The following PXDNL variants were observed in gnomAD, a reference collection of about 807,000 sequenced individuals.
The protein encoded by PXDNL is peroxidasin like.
Under a neutral mutation model 150.8 loss-of-function variants are expected in PXDNL, and 145 were observed. That is an observed-to-expected ratio of 0.96 (90% confidence interval 0.84 to 1.10). The LOEUF is 1.10. PXDNL is among the 50% of genes least tolerant of loss of function. The probability of loss-of-function intolerance (pLI) is 0.00; values close to 1 mark genes in which losing one functional copy is unlikely to be tolerated. For synonymous variants in PXDNL, 757 were observed against 725.7 expected (o/e 1.04, Z -0.69); for missense variants, 2,087 against 1,873.9 (o/e 1.11, Z -2.10).
intron 1 of PXDNL, among the ~76,000 whole-genome samples, chr8:51,744,241 AAG>A (rs1273780728): frequency 3.4e-5 from 5 of 148,540 alleles, no homozygotes; most frequent in Admixed American, 2.7e-4. Flanking sequence ...AAAGAAAGAA[AAG>A]AGAGGAAAAG....
At chr8:51,628,609 TAGGCAGG>T (rs1390149288) in intron 2 of PXDNL, among the ~76,000 whole-genome samples, 1 of 151,802 alleles carries the variant, frequency 6.6e-6, no homozygotes, top group African/African-American at 2.4e-5. Flanking sequence ...TTTCACCATG[TAGGCAGG>T]AGGATCTCGA....
intron 2 of PXDNL, among the ~76,000 whole-genome samples, chr8:51,651,232 G>A (rs2130796261): frequency 6.6e-6 from 1 of 152,288 alleles, no homozygotes; most frequent in South Asian, 2.1e-4. Flanking sequence ...ATAAAGCGTA[G>A]TATATAATTT....
intron 1 of PXDNL, among the ~76,000 whole-genome samples, chr8:51,666,769 A>G (rs1387094921): frequency 6.6e-6 from 1 of 152,150 alleles, no homozygotes; most frequent in Admixed American, 6.5e-5. Flanking sequence ...CACTGTCCTG[A>G]TGGGCCATTC....
Position 51,623,010 on chromosome 8 carries a change from G to A in PXDNL, c.237-30312C>T, listed in dbSNP as rs187751398. 9.7e-4 allele frequency among the ~76,000 whole-genome samples: 147 copies of A among 152,328 alleles called. 1 individual carries two copies. The highest frequency in any genetic ancestry group is 5.3e-4 in the Non-Finnish European group (36 of 68,028). On this transcript the variant is annotated intron_variant, in intron 2 of 22. Coordinates refer to ENST00000356297, the MANE Select transcript of PXDNL (RefSeq NM_144651.5). ...CTTTATAGGTAGCTGTTCAAAACCTGCTCTGCTCAGTATAAAGCTTCTATT... is the reference window on the plus strand; with the variant it reads ...CTTTATAGGTAGCTGTTCAAAACCTACTCTGCTCAGTATAAAGCTTCTATT...
intron 8 of PXDNL, among the ~76,000 whole-genome samples, chr8:51,470,777 G>A (rs1020503066): frequency 6.6e-6 from 1 of 152,050 alleles, no homozygotes; most frequent in Non-Finnish European, 1.5e-5. Context: ...AAACTGGCTA[G>A]CCATATTCAG....
intron 4 of PXDNL, among the ~76,000 whole-genome samples, chr8:51,510,355 C>A (rs1811386390): frequency 6.6e-6 from 1 of 152,230 alleles, no homozygotes; most frequent in Non-Finnish European, 1.5e-5. Context: ...ACATGAGTTT[C>A]TGGAAAAATT....
chr8:51,494,178 C>A (rs1438254578), intron 5 of PXDNL, among the ~76,000 whole-genome samples: 1 of 152,038 alleles, frequency 6.6e-6, no homozygotes, highest in East Asian at 1.9e-4. Flanking sequence ...TCCAGCCAAA[C>A]TAAGCTTCAT....
intron 1 of PXDNL, among the ~76,000 whole-genome samples, chr8:51,751,677 C>A (rs564240251): frequency 5.6e-4 from 85 of 152,312 alleles, no homozygotes; most frequent in African/African-American, 2.0e-3. Flanking sequence ...CCACAGTGAA[C>A]AAACTATAAG....
intron 4 of PXDNL, among the ~76,000 whole-genome samples, chr8:51,544,908 T>TAA (rs11392201): frequency 6.6e-6 from 1 of 151,994 alleles, no homozygotes; most frequent in East Asian, 1.9e-4. Flanking sequence ...AAAGGCAGTA[T>TAA]AAAAACAAAC....
chr8:51,670,112 C>T (rs1815470115), intron 1 of PXDNL, among the ~76,000 whole-genome samples: 1 of 152,104 alleles, frequency 6.6e-6, no homozygotes, highest in Non-Finnish European at 1.5e-5. Context: ...GTGGTGCATG[C>T]CTGTAATCCC....
chr8:51,486,336 T>TTG (rs1810735104), intron 5 of PXDNL, among the ~76,000 whole-genome samples: 2 of 152,276 alleles, frequency 1.3e-5, no homozygotes, highest in African/African-American at 2.4e-5. Flanking sequence ...TCCAAATTAA[T>TTG]GATATTTTAC....
intron 3 of PXDNL, among the ~76,000 whole-genome samples, chr8:51,582,026 T>A (rs2130628774): frequency 6.6e-6 from 1 of 152,302 alleles, no homozygotes; most frequent in East Asian, 1.9e-4. Flanking sequence ...TATAATTTTT[T>A]AAATGTATGT....
chr8:51,738,559 A>ACG (rs1015021388), intron 1 of PXDNL, among the ~76,000 whole-genome samples: 1 of 152,068 alleles, frequency 6.6e-6, no homozygotes, highest in Non-Finnish European at 1.5e-5. Flanking sequence ...CTGGAAACAC[A>ACG]CGCACACACA....
intron 5 of PXDNL, among the ~76,000 whole-genome samples, chr8:51,485,385 C>T (rs1048038332): frequency 6.6e-6 from 1 of 152,134 alleles, no homozygotes; most frequent in Non-Finnish European, 1.5e-5. Flanking sequence ...TCTTCTTGAC[C>T]AAACTCTACT....
At chr8:51,371,773 C>T (rs967226933) in intron 19 of PXDNL, 100 bp downstream of exon 19, 54 of 1,083,000 alleles carry the variant, frequency 5.0e-5, no homozygotes, top group Non-Finnish European at 6.4e-5. Flanking sequence ...TGGCTTTTTG[C>T]GTATCTTTCT....
chr8:51,455,786 G>A (rs1809926656), intron 9 of PXDNL, among the ~76,000 whole-genome samples: 1 of 152,148 alleles, frequency 6.6e-6, no homozygotes, highest in Non-Finnish European at 1.5e-5. Flanking sequence ...CAGCACTTTG[G>A]GAGGCCTAGG....
chr8:51,462,367 T>C (rs1194201059), intron 8 of PXDNL, among the ~76,000 whole-genome samples: 3 of 152,108 alleles, frequency 2.0e-5, no homozygotes, highest in Non-Finnish European at 2.9e-5. Flanking sequence ...CTCAATGAGA[T>C]AAGGAGAAAG....
intron 1 of PXDNL, among the ~76,000 whole-genome samples, chr8:51,696,870 T>TCCACACAC (rs1585681814): frequency 1.9e-4 from 3 of 15,538 alleles, no homozygotes; most frequent in East Asian, 2.2e-3. Context: ...TCCACACACA[T>TCCACACAC]GTGCACACAC....
At chr8:51,402,908 C>A (rs1267480544) in intron 17 of PXDNL, among the ~76,000 whole-genome samples, 1 of 22,198 alleles carries the variant, frequency 4.5e-5, no homozygotes, top group Non-Finnish European at 1.9e-4. Flanking sequence ...TAAAAATACA[C>A]ACACACACAC....
Sources: allele counts gnomAD v4.1 joint callset (sites outside exome capture counted in the v4.1 genomes callset), GRCh38; gene constraint gnomAD v4.1.1; transcripts MANE v1.5; gene names NCBI Gene and HGNC (gene_info 2026-07-23, HGNC 2026-07-21).